The following TOP1MT variants were observed in gnomAD, a reference collection of about 807,000 sequenced individuals.
The protein encoded by TOP1MT is DNA topoisomerase I, mitochondrial.
In TOP1MT, 80 loss-of-function variants were observed where a neutral mutation model predicts 73.9. The ratio of observed to expected loss-of-function variants is 1.08; its 90% CI spans 0.90 to 1.30. TOP1MT has a LOEUF of 1.30. TOP1MT is among the 50% of genes most tolerant of loss of function. TOP1MT has a pLI of 0.00. For missense variants in TOP1MT, 815 were observed against 808.0 expected, an observed-to-expected ratio of 1.01 and a Z score of -0.10; for synonymous variants, 338 against 326.4, an observed-to-expected ratio of 1.04 and a Z score of -0.38.
At chr8:143,322,488 C>T (rs1816476992) in intron 7 of TOP1MT, among the ~76,000 whole-genome samples, 1 of 134,514 alleles carries the variant, frequency 7.4e-6, no homozygotes, top group East Asian at 2.3e-4. Flanking sequence ...AGGCACGCCA[C>T]ACGCACGCCA....
At chr8:143,323,489 CACAT>C (rs1330582346) in intron 7 of TOP1MT, among the ~76,000 whole-genome samples, 1 of 131,044 alleles carries the variant, frequency 7.6e-6, no homozygotes, top group Admixed American at 7.4e-5. Flanking sequence ...GCACGCCACA[CACAT>C]GCACGCCACA....
chr8:143,315,947 G>A lies in TOP1MT; in HGVS notation c.1458+52C>T, dbSNP rs116395844. 1,689 of 1,611,904 alleles carry A rather than the reference G, an allele frequency of 1.0e-3. 18 individuals are homozygous for A. The African/African-American group carries it at 0.021, about 20-fold the overall frequency. ...CAGGCCTGTGCCGAGGCTCTGGGGA[G>A]GGGGAGGGGTCCCTTGAGGGCTGGG... On this transcript the variant is annotated intron_variant, in intron 11 of 13. Coordinates refer to ENST00000329245, the MANE Select transcript of TOP1MT (RefSeq NM_052963.3).
chr8:143,336,234 T>A (rs1331409429), upstream of TOP1MT, among the ~76,000 whole-genome samples: 1 of 152,164 alleles, frequency 6.6e-6, no homozygotes, highest in Non-Finnish European at 1.5e-5. Context: ...ACTCCTGGGC[T>A]CAAGTACCTT....
intron 4 of TOP1MT, among the ~76,000 whole-genome samples, chr8:143,325,736 A>C (rs976183952): frequency 4.0e-5 from 6 of 151,614 alleles, no homozygotes; most frequent in African/African-American, 1.5e-4. Flanking sequence ...TGGCCTAACC[A>C]CCCCATGGCC....
Position 143,309,498 on chromosome 8 carries a change from T to G in TOP1MT, c.1749A>C (p.Thr583=). 1.2e-6 allele frequency: 2 copies of G among 1,614,072 alleles called. No homozygotes were observed. Among genetic ancestry groups the G allele is most frequent in the Non-Finnish European group, 1.7e-6 (2 of 1,180,026 alleles). ...GAGCCCAGGCGAACCTCTCCCGCTG[T>G]GTTTTGCTGTAGATCTTCTCCACTG... ...RVPVEKIYSK[T]QRERFAWALA... Residue 583 remains threonine (T), a synonymous_variant, in exon 14 of 14, where the codon ACA becomes ACC. Coordinates refer to ENST00000329245, the MANE Select transcript of TOP1MT (RefSeq NM_052963.3).
At chr8:143,350,978 C>T (rs115623145) in intron 1 of TOP1MT, among the ~76,000 whole-genome samples, 6,262 of 152,200 alleles carry the variant, frequency 0.041, 436 homozygotes, top group African/African-American at 0.14. Flanking sequence ...AGTCCAGTTT[C>T]AGCAAGACTC....
upstream of TOP1MT, among the ~76,000 whole-genome samples, chr8:143,357,702 AC>A (rs1817434847): frequency 6.6e-6 from 1 of 152,152 alleles, no homozygotes; most frequent in African/African-American, 2.4e-5. Flanking sequence ...CAGGCGGATC[AC>A]CTGAGGTCAG....
chr8:143,323,255 G>T (rs573931713), intron 7 of TOP1MT, among the ~76,000 whole-genome samples: 2,201 of 65,144 alleles, frequency 0.034, 19 homozygotes, highest in Non-Finnish European at 0.049. Flanking sequence ...ACACAGGCAC[G>T]CCACACACAT....
Position 143,341,064 on chromosome 8 carries a change from TCCCACGGCGG to T in TOP1MT, c.29+2146_29+2155del. On this transcript the variant is annotated intron_variant, in intron 2 of 5. Transcript: ENST00000518007. The surrounding 1 kb of genome is among the most constrained non-coding windows in gnomAD (Gnocchi z 4.1). ...TGCCCAGAGCGCGCTCCTCCCCAGC[TCCCACGGCGG>T]CCCCTGCACTCTTCCGCTCCCCACA... 6.6e-6 allele frequency among the ~76,000 whole-genome samples: 1 copy of T among 152,122 alleles called. No homozygotes were observed. Among genetic ancestry groups the T allele is most frequent in the Non-Finnish European group, 1.5e-5 (1 of 68,002 alleles).
chr8:143,322,531 A>ACACAGGCACGCC (rs1296242646), intron 7 of TOP1MT, among the ~76,000 whole-genome samples: 1 of 108,676 alleles, frequency 9.2e-6, no homozygotes, highest in Non-Finnish European at 1.8e-5. Flanking sequence ...CAGGCACGCC[A>ACACAGGCACGCC]AAGATGCACG....
At chr8:143,324,706 C>A in intron 5 of TOP1MT, 77 bp from the exon 6 acceptor site, 2 of 1,543,756 alleles carry the variant, frequency 1.3e-6, no homozygotes, top group South Asian at 2.4e-5. Flanking sequence ...CTGCTCTGGT[C>A]AACCGTCCCA....
At chr8:143,331,464 G>T in intron 1 of TOP1MT, 125 bp from the exon 2 acceptor site, 3 of 717,930 alleles carry the variant, frequency 4.2e-6, no homozygotes, top group Non-Finnish European at 6.7e-6. Context: ...CACCTCACGG[G>T]GGAGGAAAAC....
chr8:143,325,381 C>T lies in TOP1MT; in HGVS notation c.636G>A (p.Arg212=). ...TGATAACCACATCCTCTGGCGTGAT[C>T]CTTCTCTTCAGCATCCCCATCTTGG... ...DHPKMGMLKR[R]ITPEDVVINC... The change falls in exon 5 of 14, where the codon AGG becomes AGA. Residue 212 remains arginine (R), a synonymous_variant. Coordinates refer to ENST00000329245, the MANE Select transcript of TOP1MT (RefSeq NM_052963.3). 2 of 1,606,864 alleles carry T rather than the reference C, an allele frequency of 1.2e-6. No homozygotes were observed. The highest frequency in any genetic ancestry group is 2.2e-5 in the East Asian group (1 of 44,674).
chr8:143,324,678 G>A, intron 5 of TOP1MT, 49 bp from the exon 6 acceptor site: 3 of 1,591,928 alleles, frequency 1.9e-6, no homozygotes, highest in South Asian at 2.2e-5. Context: ...TTATTCTCTG[G>A]AATGCAAGCA....
In TOP1MT at chr8:143,331,209, T is replaced by C; in HGVS notation, c.238+15A>G. 1 of 1,583,346 alleles carries C rather than the reference T, an allele frequency of 6.3e-7. No homozygotes were observed. Among genetic ancestry groups the C allele is most frequent in the Non-Finnish European group, 8.6e-7 (1 of 1,157,252 alleles). On this transcript the variant is annotated intron_variant, in intron 2 of 13. Transcript: ENST00000329245. ...CAAGCGCAGGCTGGGGAGGAGCCGC[T>C]CCCTGCATCCTTACCTTCATAGAAG...
chr8:143,334,660 G>A (rs1358340815), intron 1 of TOP1MT, 80 bp downstream of exon 1: 7 of 1,555,694 alleles, frequency 4.5e-6, no homozygotes, highest in Admixed American at 1.8e-5. Context: ...GCCGTCCCAC[G>A]AGGCCTGCCA....
intron 1 of TOP1MT, among the ~76,000 whole-genome samples, chr8:143,354,496 T>C (rs1817374197): frequency 6.6e-6 from 1 of 152,090 alleles, no homozygotes; most frequent in African/African-American, 2.4e-5. Context: ...GCGGATTACC[T>C]GAGGTCGGGA....
At chr8:143,322,341 GGCACGCCACACAC>G (rs1292754402) in intron 7 of TOP1MT, among the ~76,000 whole-genome samples, 5 of 38,312 alleles carry the variant, frequency 1.3e-4, no homozygotes, top group African/African-American at 1.1e-4. Flanking sequence ...CACACACACA[GGCACGCCACACAC>G]GCACGCCACA....
chr8:143,332,545 G>C, intron 1 of TOP1MT: 1 of 1,289,468 alleles, frequency 7.8e-7, no homozygotes, highest in Non-Finnish European at 1.0e-6. Flanking sequence ...TGGGGGCCTG[G>C]TGGGCCTGGT....
Sources: gnomAD v4.1 joint callset for allele counts (sites outside exome capture counted in the v4.1 genomes callset) on GRCh38, gnomAD v4.1.1 for gene constraint, Gnocchi (gnomAD v3.1) non-coding constraint, MANE v1.5 for transcripts, NCBI Gene and HGNC (gene_info 2026-07-23, HGNC 2026-07-21) for gene names.